FRMD3: variants seen among roughly 807,000 people sequenced by gnomAD.
FRMD3 encodes the protein FERM domain containing 3.
In FRMD3, 33 loss-of-function variants were observed where a neutral mutation model predicts 70.2. That is an observed-to-expected ratio of 0.47 (90% CI 0.36 to 0.63). The LOEUF (loss-of-function observed/expected upper bound fraction) is 0.63, where lower values mean the gene tolerates loss of function less well. FRMD3 is among the 20% of genes least tolerant of loss of function. The pLI, the probability that FRMD3 is intolerant of heterozygous loss-of-function variation, is 0.00. For missense variants in FRMD3, 632 were observed against 711.4 expected (o/e 0.89, Z 1.27); for synonymous variants, 279 against 255.9 (o/e 1.09, Z -0.86).
intron 13 of FRMD3, among the ~76,000 whole-genome samples, chr9:83,288,778 T>G (rs1834311744): frequency 6.6e-6 from 1 of 152,246 alleles, no homozygotes; most frequent in African/African-American, 2.4e-5. Context: ...ACACCTAATA[T>G]TTAGCAGTGG....
intron 6 of FRMD3, among the ~76,000 whole-genome samples, chr9:83,317,044 T>C (rs892647562): frequency 6.6e-6 from 1 of 151,616 alleles, no homozygotes; most frequent in African/African-American, 2.4e-5. Context: ...TCTAAAAAAA[T>C]TTTTTTTTAA....
intron 1 of FRMD3, among the ~76,000 whole-genome samples, chr9:83,439,263 A>C (rs895029736): frequency 6.6e-6 from 1 of 152,248 alleles, no homozygotes; most frequent in African/African-American, 2.4e-5. Flanking sequence ...GAGAGTTAGG[A>C]CATTGGTTTC....
chr9:83,322,305 T>A (rs1281981447), intron 6 of FRMD3, among the ~76,000 whole-genome samples: 2 of 151,952 alleles, frequency 1.3e-5, no homozygotes, highest in Non-Finnish European at 1.5e-5. Context: ...TGGCAGTCCA[T>A]CATTAAACTC....
At chr9:83,331,952 G>A (rs549414195) in intron 6 of FRMD3, 25 of 708,616 alleles carry the variant, frequency 3.5e-5, no homozygotes, top group Non-Finnish European at 5.2e-5. Context: ...AATCACTTCC[G>A]AAATGAAGCA....
intron 1 of FRMD3, among the ~76,000 whole-genome samples, chr9:83,452,586 A>T (rs1827696969): frequency 6.6e-6 from 1 of 151,258 alleles, no homozygotes; most frequent in African/African-American, 2.4e-5. Context: ...GGTTCACGCC[A>T]TTCTCCTGCC....
At chr9:83,327,509 C>T (rs1836066406) in intron 6 of FRMD3, among the ~76,000 whole-genome samples, 1 of 152,172 alleles carries the variant, frequency 6.6e-6, no homozygotes, top group Non-Finnish European at 1.5e-5. Flanking sequence ...TTTTCTCCTC[C>T]CTGTCATCCT....
intron 1 of FRMD3, among the ~76,000 whole-genome samples, chr9:83,420,983 C>CAGGCTGG (rs541018880): frequency 0.11 from 15,967 of 143,498 alleles, 1,005 homozygotes; most frequent in Non-Finnish European, 0.14. Flanking sequence ...CTCTGTCGCC[C>CAGGCTGG]AGGCTGGAGT....
At chr9:83,414,572 T>C (rs1416306465) in intron 1 of FRMD3, among the ~76,000 whole-genome samples, 2 of 152,214 alleles carry the variant, frequency 1.3e-5, no homozygotes, top group Non-Finnish European at 2.9e-5. Context: ...GAGAGATATT[T>C]GCAATACTTT....
At chr9:83,437,431 G>A (rs8181122) in intron 1 of FRMD3, among the ~76,000 whole-genome samples, 37,538 of 152,024 alleles carry the variant, frequency 0.25, 5,944 homozygotes, top group African/African-American at 0.45. Context: ...TTTTTGACTC[G>A]TGCTCATTCT....
intron 3 of FRMD3, among the ~76,000 whole-genome samples, chr9:83,353,781 T>C (rs1432672731): frequency 6.6e-6 from 1 of 152,260 alleles, no homozygotes; most frequent in Non-Finnish European, 1.5e-5. Context: ...TCAGGGACTC[T>C]GGAGTTGGTT....
chr9:83,378,866 TAC>T (rs1564048156), intron 2 of FRMD3, among the ~76,000 whole-genome samples: 8 of 133,914 alleles, frequency 6.0e-5, no homozygotes, highest in South Asian at 2.2e-4. Flanking sequence ...TAAATATATA[TAC>T]ACTATATATA....
At chr9:83,520,101 C>T (rs560305562) in intron 1 of FRMD3, among the ~76,000 whole-genome samples, 79 of 152,036 alleles carry the variant, frequency 5.2e-4, no homozygotes, top group Non-Finnish European at 9.8e-4. Flanking sequence ...ATGTAACAAA[C>T]CTGCACGTTC....
intron 1 of FRMD3, among the ~76,000 whole-genome samples, chr9:83,480,687 G>T (rs1156903771): frequency 6.6e-6 from 1 of 151,982 alleles, no homozygotes; most frequent in African/African-American, 2.4e-5. Context: ...TAGAGACAGG[G>T]TTTCTCCATG....
At chr9:83,450,352 T>G (rs983824237) in intron 1 of FRMD3, among the ~76,000 whole-genome samples, 1 of 127,030 alleles carries the variant, frequency 7.9e-6, no homozygotes, top group Non-Finnish European at 1.8e-5. Flanking sequence ...CCTCAGTTTT[T>G]TTTTTTTTTT....
intron 1 of FRMD3, among the ~76,000 whole-genome samples, chr9:83,405,870 A>G (rs996044168): frequency 6.6e-6 from 1 of 152,126 alleles, no homozygotes; most frequent in African/African-American, 2.4e-5. Context: ...TTGTTGGAGT[A>G]GGGCTGAGCT....
the FRMD3 span, among the ~76,000 whole-genome samples, chr9:83,582,439 C>G: frequency 1.3e-5 from 2 of 152,112 alleles, no homozygotes; most frequent in African/African-American, 4.8e-5. Context: ...ATTAGGGAAC[C>G]TAGTATCTGT....
intron 1 of FRMD3, among the ~76,000 whole-genome samples, chr9:83,522,180 G>A (rs1303406877): frequency 6.6e-6 from 1 of 152,250 alleles, no homozygotes; most frequent in African/African-American, 2.4e-5. Context: ...TGAAATGTGA[G>A]TGACAAAATA....
intron 1 of FRMD3, among the ~76,000 whole-genome samples, chr9:83,531,193 A>G (rs1236725789): frequency 2.6e-5 from 4 of 152,326 alleles, no homozygotes; most frequent in Admixed American, 2.6e-4. Context: ...CCCCAGAGAA[A>G]CAGAGCCACA....
chr9:83,352,258 A>G (rs71498489), intron 3 of FRMD3, among the ~76,000 whole-genome samples: 2 of 152,192 alleles, frequency 1.3e-5, no homozygotes, highest in African/African-American at 2.4e-5. Context: ...TAGGTATGGG[A>G]AAATGTTTTA....
Sources: gnomAD v4.1 joint callset for allele counts (sites outside exome capture counted in the v4.1 genomes callset) on GRCh38, gnomAD v4.1.1 for gene constraint, MANE v1.5 for transcripts, NCBI Gene and HGNC (gene_info 2026-07-23, HGNC 2026-07-21) for gene names.